Variants in CFAP77 observed in about 807,000 individuals in gnomAD.
The protein encoded by CFAP77 is cilia- and flagella-associated protein 77.
In CFAP77, 25 loss-of-function variants were observed where a neutral mutation model predicts 31.1. The ratio of observed to expected loss-of-function variants is 0.80; its 90% CI spans 0.59 to 1.12. CFAP77 has a LOEUF of 1.12. Among genes scored for constraint, CFAP77 ranks in the 50% most tolerant of loss-of-function variants. The probability of loss-of-function intolerance (pLI) is 0.00; values close to 1 mark genes in which losing one functional copy is unlikely to be tolerated. For synonymous variants in CFAP77, 151 were observed against 159.9 expected (o/e 0.94, Z 0.42); for missense variants, 377 against 397.3 (o/e 0.95, Z 0.44).
chr9:132,430,867 G>A lies in CFAP77; in HGVS notation c.195+20401G>A, dbSNP rs560770691. 2.4e-3 allele frequency among the ~76,000 whole-genome samples: 366 copies of A among 152,204 alleles called. 4 individuals carry two copies. The highest frequency in any genetic ancestry group is 8.6e-3 in the African/African-American group (358 of 41,526). On this transcript the variant is annotated intron_variant, in intron 1 of 5. Transcript: ENST00000393216. ...ATGCAGGCAGATGCAGCGGGCAGATGAGGGAGTCAACACTTGGAGGAAGAC... is the reference window on the plus strand; with the variant it reads ...ATGCAGGCAGATGCAGCGGGCAGATAAGGGAGTCAACACTTGGAGGAAGAC...
intron 3 of CFAP77, among the ~76,000 whole-genome samples, chr9:132,523,444 C>G (rs1056527732): frequency 6.6e-6 from 1 of 152,208 alleles, no homozygotes; most frequent in Non-Finnish European, 1.5e-5. Context: ...TACTGTATGT[C>G]TCCTCCCCTG....
intron 3 of CFAP77, among the ~76,000 whole-genome samples, chr9:132,503,557 C>T (rs1007761674): frequency 4.6e-5 from 7 of 152,168 alleles, no homozygotes; most frequent in Non-Finnish European, 7.3e-5. Context: ...CTCTGTGATT[C>T]TCAGGCTATG....
rs1402706600 is a variant in CFAP77 at position 132,501,592 on chromosome 9, G to A, written c.524+1992G>A. Among the ~76,000 whole-genome samples the A allele has an allele frequency of 3.9e-5, 6 of 152,122 alleles. No homozygotes were observed. The highest frequency in any genetic ancestry group is 2.1e-4 in the South Asian group (1 of 4,816). ...CAATTTTTGTATTTATAGTAGAGAC[G>A]GGGTTTCACCATGTTGGCCAGGCTG... On this transcript the variant is annotated intron_variant, in intron 3 of 5. Coordinates refer to ENST00000393216, the MANE Select transcript of CFAP77 (RefSeq NM_001282957.2). The surrounding 1 kb of genome is among the most constrained non-coding windows in gnomAD (Gnocchi z 4.6).
At chr9:132,503,729 G>A (rs1232462819) in intron 3 of CFAP77, among the ~76,000 whole-genome samples, 1 of 152,140 alleles carries the variant, frequency 6.6e-6, no homozygotes, top group South Asian at 2.1e-4. Context: ...GGCTTGGCCT[G>A]GATTCTCAAC....
intron 3 of CFAP77, among the ~76,000 whole-genome samples, chr9:132,518,650 G>T (rs548749399): frequency 6.6e-6 from 1 of 152,282 alleles, no homozygotes; most frequent in East Asian, 1.9e-4. Context: ...CTTCAGGGTG[G>T]ATCAGGCCCA....
intron 5 of CFAP77, among the ~76,000 whole-genome samples, chr9:132,556,157 G>C (rs890227831): frequency 6.6e-6 from 1 of 152,180 alleles, no homozygotes; most frequent in African/African-American, 2.4e-5. Flanking sequence ...ACCCTGATGA[G>C]ACACTACCCC....
At chr9:132,533,328 G>A (rs1852490303) in intron 3 of CFAP77, among the ~76,000 whole-genome samples, 1 of 152,202 alleles carries the variant, frequency 6.6e-6, no homozygotes, top group African/African-American at 2.4e-5. Context: ...GAACCCCTGT[G>A]TACGAGTGTC....
intron 4 of CFAP77, among the ~76,000 whole-genome samples, chr9:132,541,492 G>A (rs1295462845): frequency 6.6e-6 from 1 of 152,194 alleles, no homozygotes; most frequent in African/African-American, 2.4e-5. Context: ...GGGAGGCCAA[G>A]GCCAGTGAAT....
chr9:132,531,630 G>GGGC lies in CFAP77; in HGVS notation c.525-5969_525-5968insCGG, dbSNP rs1554748500. Among the ~76,000 whole-genome samples the GGGC allele has an allele frequency of 2.7e-5, 4 of 149,142 alleles. 1 individual carries two copies. The highest frequency in any genetic ancestry group is 9.9e-5 in the African/African-American group (4 of 40,522). ...TCTGGGCTTAGGCTAAGACATGGGGGGGGGGGCATGGAAGGCATTTTAAGC... is the reference window on the plus strand; with the variant it reads ...TCTGGGCTTAGGCTAAGACATGGGGGGGCGGGGGGCATGGAAGGCATTTTAAGC... On this transcript the variant is annotated intron_variant, in intron 3 of 5. Transcript: ENST00000393216.
At position 132,467,341 on chromosome 9, in the gene CFAP77, T is replaced by A. The variant is rs866526191; in HGVS notation, c.196-31354T>A. Among the ~76,000 whole-genome samples the A allele has an allele frequency of 1.2e-4, 19 of 152,192 alleles. No individual in the cohort carries two copies. In the South Asian group the frequency reaches 1.7e-3, roughly 13 times the overall value. On this transcript the variant is annotated intron_variant, in intron 1 of 5. Transcript: ENST00000393216. ...GAAACCCTGTCCCCATTAAACAACA[T>A]CTCCCCATCATCCCCCTCCTCCCCT... is the stretch of plus-strand genomic sequence containing the variant.
intron 4 of CFAP77, among the ~76,000 whole-genome samples, chr9:132,538,338 A>G (rs1471315347): frequency 1.3e-5 from 2 of 152,198 alleles, no homozygotes; most frequent in African/African-American, 4.8e-5. Context: ...GTGCCTGCAC[A>G]GGGAAGTTTG....
chr9:132,563,547 T>C (rs75755971), intron 5 of CFAP77, among the ~76,000 whole-genome samples: 2,069 of 152,258 alleles, frequency 0.014, 38 homozygotes, highest in African/African-American at 0.047. Flanking sequence ...GGACATGCAG[T>C]TGTTCCCGGC....
intron 3 of CFAP77, among the ~76,000 whole-genome samples, chr9:132,510,740 A>G (rs1852022212): frequency 6.6e-6 from 1 of 152,218 alleles, no homozygotes; most frequent in East Asian, 1.9e-4. Context: ...GGGCCCCATC[A>G]GTCCCGTCGG....
chr9:132,460,853 G>C (rs905569188), intron 1 of CFAP77, among the ~76,000 whole-genome samples: 1 of 152,122 alleles, frequency 6.6e-6, no homozygotes, highest in African/African-American at 2.4e-5. Flanking sequence ...AGCCTCCTGA[G>C]TAGCTGGGAT....
At chr9:132,475,389 G>A (rs999395477) in intron 1 of CFAP77, among the ~76,000 whole-genome samples, 1 of 152,162 alleles carries the variant, frequency 6.6e-6, no homozygotes, top group African/African-American at 2.4e-5. Flanking sequence ...CTACCACTAG[G>A]CCCCTTCGCT....
chr9:132,444,567 G>T (rs563599260), intron 1 of CFAP77, among the ~76,000 whole-genome samples: 1 of 152,202 alleles, frequency 6.6e-6, no homozygotes, highest in Non-Finnish European at 1.5e-5. Context: ...CCATGGCAAG[G>T]CAGGAAGGCT....
rs1564229375 is a variant in CFAP77, at chr9:132,499,748, A to G, written c.524+148A>G. On this transcript the variant is annotated intron_variant, in intron 3 of 5. Transcript: ENST00000393216. This position sits in a 1 kb window ranked among gnomAD's most constrained non-coding sequence, Gnocchi z 5.4. ...AATGACTCTCTCTTGTGTGACCTCTATAGCCACACCCTGAATCCTGCTGAG... is the reference window on the plus strand; with the variant it reads ...AATGACTCTCTCTTGTGTGACCTCTGTAGCCACACCCTGAATCCTGCTGAG... 40 of 746,682 alleles carry G rather than the reference A, an allele frequency of 5.4e-5. No homozygotes were observed. 46.3% of individuals were successfully genotyped at this position (746,682 alleles called of 1,614,324 possible). A position where few individuals can be genotyped will look rare whatever the true frequency, so the allele number is the denominator to read the frequency against.
chr9:132,482,091 A>T (rs1307005682), intron 1 of CFAP77, among the ~76,000 whole-genome samples: 1 of 152,070 alleles, frequency 6.6e-6, no homozygotes, highest in African/African-American at 2.4e-5. Flanking sequence ...AGCTGTCAAA[A>T]CTTAAAACAG....
chr9:132,479,020 A>G (rs760079025), intron 1 of CFAP77, among the ~76,000 whole-genome samples: 1 of 152,218 alleles, frequency 6.6e-6, no homozygotes, highest in Non-Finnish European at 1.5e-5. Context: ...TGTCTATTTT[A>G]TAAGTTGGAT....
Sources: allele counts gnomAD v4.1 joint callset (sites outside exome capture counted in the v4.1 genomes callset), GRCh38; gene constraint gnomAD v4.1.1; non-coding constraint Gnocchi (gnomAD v3.1); transcripts MANE v1.5; gene names NCBI Gene and HGNC (gene_info 2026-07-23, HGNC 2026-07-21).